Variants in MEIS1 observed in about 807,000 individuals in gnomAD.
MEIS1 encodes the protein homeobox protein Meis1.
In MEIS1, 5 loss-of-function variants were observed where a neutral mutation model predicts 50.8. The observed-to-expected ratio is 0.10, with a 90% CI of 0.05 to 0.21. MEIS1 has a LOEUF of 0.21. Among genes scored for constraint, MEIS1 ranks in the 10% least tolerant of loss-of-function variants. The pLI is 1.00. For synonymous variants in MEIS1, 176 were observed against 179.3 expected (o/e 0.98, Z 0.15); for missense variants, 318 against 517.3 (o/e 0.61, Z 3.74).
intron 7 of MEIS1, among the ~76,000 whole-genome samples, chr2:66,467,059 C>T (rs1672655981): frequency 6.6e-6 from 1 of 152,018 alleles, no homozygotes; most frequent in African/African-American, 2.4e-5. Context: ...AGGCATGTAA[C>T]AGGCTATATA....
intron 10 of MEIS1, chr2:66,567,791 A>AT (rs5831822): frequency 0.92 from 518,973 of 564,702 alleles, 239,646 homozygotes; most frequent in Admixed American, 0.96. Flanking sequence ...TATTAATGTT[A>AT]TTTTTTTTCT....
chr2:66,538,394 A>G (rs750981192), intron 8 of MEIS1, among the ~76,000 whole-genome samples: 1 of 152,182 alleles, frequency 6.6e-6, no homozygotes, highest in Non-Finnish European at 1.5e-5. Flanking sequence ...TGCCCAACAT[A>G]CAGTAAACAT....
At chr2:66,440,906 A>C (rs1290882576) in intron 4 of MEIS1, 2 of 481,092 alleles carry the variant, frequency 4.2e-6, no homozygotes, top group African/African-American at 4.0e-5. Context: ...CCGGCCTGTC[A>C]GCATGTGTGC....
intron 8 of MEIS1, among the ~76,000 whole-genome samples, chr2:66,533,882 C>G (rs1167181719): frequency 2.0e-5 from 3 of 152,260 alleles, no homozygotes; most frequent in African/African-American, 4.8e-5. Flanking sequence ...TACAAGAAAA[C>G]ATTAAAATCT....
intron 7 of MEIS1, among the ~76,000 whole-genome samples, chr2:66,487,033 T>C (rs1254676427): frequency 6.6e-6 from 1 of 152,222 alleles, no homozygotes; most frequent in Non-Finnish European, 1.5e-5. Flanking sequence ...AATCATGTCA[T>C]CTGCAAACAG....
At chr2:66,540,454 C>T (rs375508913) in intron 8 of MEIS1, among the ~76,000 whole-genome samples, 4 of 152,034 alleles carry the variant, frequency 2.6e-5, no homozygotes, top group East Asian at 1.9e-4. Context: ...GGATTACAGG[C>T]GCCTGACATC....
chr2:66,522,502 A>T (rs1378052751), intron 8 of MEIS1, among the ~76,000 whole-genome samples: 3 of 152,114 alleles, frequency 2.0e-5, no homozygotes, highest in Non-Finnish European at 4.4e-5. Flanking sequence ...TAAATAGGAG[A>T]TATACGTGTC....
At chr2:66,539,651 G>A (rs2216125) in intron 8 of MEIS1, among the ~76,000 whole-genome samples, 14,325 of 152,232 alleles carry the variant, frequency 0.094, 782 homozygotes, top group African/African-American at 0.15. Flanking sequence ...AGTCATATAA[G>A]TGAAGCATTT....
chr2:66,443,101 T>C, intron 6 of MEIS1, 53 bp downstream of exon 6: 4 of 1,536,380 alleles, frequency 2.6e-6, no homozygotes, highest in Non-Finnish European at 3.5e-6. Context: ...TCTGTATGCA[T>C]ATTGCTTGCT....
intron 7 of MEIS1, among the ~76,000 whole-genome samples, chr2:66,501,735 T>C (rs1404103958): frequency 6.6e-6 from 1 of 152,180 alleles, no homozygotes; most frequent in Non-Finnish European, 1.5e-5. Context: ...TATGAACACT[T>C]ACATAAAATA....
chr2:66,569,339 A>G, intron 12 of MEIS1, 194 bp downstream of exon 12: 1 of 490,504 alleles, frequency 2.0e-6, no homozygotes, highest in Non-Finnish European at 3.7e-6. Context: ...TATGATGTAC[A>G]TTTATCCTGT....
intron 7 of MEIS1, among the ~76,000 whole-genome samples, chr2:66,465,585 A>G (rs1294922818): frequency 6.6e-6 from 1 of 152,148 alleles, no homozygotes; most frequent in African/African-American, 2.4e-5. Flanking sequence ...GTGTAAATGG[A>G]ATATAAATTC....
At chr2:66,464,381 C>T (rs1573147710) in intron 7 of MEIS1, among the ~76,000 whole-genome samples, 161 bp downstream of exon 7, 1 of 152,204 alleles carries the variant, frequency 6.6e-6, no homozygotes, top group South Asian at 2.1e-4. Flanking sequence ...CCCTGCTCTT[C>T]TGTGCTATTC....
intron 7 of MEIS1, among the ~76,000 whole-genome samples, chr2:66,496,637 G>A (rs1305841694): frequency 2.6e-5 from 4 of 152,098 alleles, no homozygotes; most frequent in Admixed American, 1.3e-4. Context: ...CATTTCACTG[G>A]GGACTACTTG....
intron 9 of MEIS1, among the ~76,000 whole-genome samples, chr2:66,561,815 G>A (rs148920215): frequency 6.6e-5 from 10 of 152,146 alleles, no homozygotes; most frequent in African/African-American, 1.4e-4. Context: ...GTTCACTTAC[G>A]CCTAGTTGGC....
intron 6 of MEIS1, chr2:66,461,837 C>G (rs922888535): frequency 6.4e-6 from 3 of 469,206 alleles, no homozygotes; most frequent in African/African-American, 2.0e-5. Context: ...CAAGGAAAAT[C>G]TTTTCATGGT....
intron 8 of MEIS1, among the ~76,000 whole-genome samples, chr2:66,529,435 ACTT>A (rs1422642913): frequency 6.6e-6 from 1 of 152,142 alleles, no homozygotes; most frequent in Non-Finnish European, 1.5e-5. Context: ...TTGTTTATCT[ACTT>A]CTTCTTATTT....
intron 7 of MEIS1, among the ~76,000 whole-genome samples, chr2:66,487,506 G>A (rs1349657420): frequency 6.6e-6 from 1 of 152,182 alleles, no homozygotes; most frequent in African/African-American, 2.4e-5. Flanking sequence ...TTATTTTGGT[G>A]TCTTGGAAAC....
chr2:66,459,446 C>T (rs1427194373), intron 6 of MEIS1, among the ~76,000 whole-genome samples: 1 of 152,126 alleles, frequency 6.6e-6, no homozygotes, highest in Non-Finnish European at 1.5e-5. Flanking sequence ...CAAATGTTTC[C>T]TGTGTGCCAG....
Sources: allele counts gnomAD v4.1 joint callset (sites outside exome capture counted in the v4.1 genomes callset), GRCh38; gene constraint gnomAD v4.1.1; transcripts MANE v1.5; gene names NCBI Gene and HGNC (gene_info 2026-07-23, HGNC 2026-07-21).